Variants in ZNF91 observed in about 807,000 individuals in gnomAD.
ZNF91 encodes zinc finger protein 91 (HPF7, HTF10).
Under a neutral mutation model 12.6 loss-of-function variants are expected in ZNF91, and 7 were observed. The ratio of observed to expected loss-of-function variants is 0.55; its 90% confidence interval spans 0.31 to 1.04. The LOEUF is 1.04. Among genes scored for constraint, ZNF91 ranks in the 50% least tolerant of loss-of-function variants. The pLI is 0.05. For synonymous variants in ZNF91, 453 were observed against 462.6 expected (o/e 0.98, Z 0.27); for missense variants, 1,217 against 1,385.4 (o/e 0.88, Z 1.93).
chr19:23,373,697 T>A, intron 3 of ZNF91, 45 bp downstream of exon 3: 1 of 1,477,082 alleles, frequency 6.8e-7, no homozygotes, highest in Non-Finnish European at 9.4e-7. Context: ...CTTCTTGACT[T>A]TGGGCCTCTC....
At chr19:23,388,106 C>T (rs1180714057) in intron 1 of ZNF91, among the ~76,000 whole-genome samples, 1 of 150,456 alleles carries the variant, frequency 6.6e-6, no homozygotes, top group Admixed American at 6.6e-5. Flanking sequence ...ATTAGCAGGG[C>T]GTGGTGGCGC....
chr19:23,323,568 CTCT>C (rs1198661185), intron 1 of ZNF91, among the ~76,000 whole-genome samples: 1 of 147,348 alleles, frequency 6.8e-6, no homozygotes, highest in East Asian at 2.1e-4. Flanking sequence ...TTTCCTTTTC[CTCT>C]TCTCTTCCTC....
At chr19:23,339,184 A>G (rs1465767688) in intron 3 of ZNF91, 1 of 152,158 alleles carries the variant, frequency 6.6e-6, no homozygotes, top group Admixed American at 6.5e-5. Flanking sequence ...GGGGGAATAT[A>G]TTAACACAAA....
downstream of ZNF91, among the ~76,000 whole-genome samples, chr19:23,357,535 A>C (rs1968522314): frequency 1.3e-5 from 2 of 152,184 alleles, no homozygotes; most frequent in Admixed American, 6.5e-5. Context: ...CACACTCCAT[A>C]ATTTATTTAC....
chr19:23,368,271 GGAGGCTGAGATAGGTGGATCACAAGGT>G (rs1423555845), intron 3 of ZNF91, among the ~76,000 whole-genome samples: 15 of 152,038 alleles, frequency 9.9e-5, no homozygotes, highest in African/African-American at 3.6e-4. Context: ...CAGCACTTTG[GGAGGCTGAGATAGGTGGATCACAAGGT>G]GAGGAGTTCA....
At chr19:23,356,463 A>T (rs1035338486), downstream of ZNF91, among the ~76,000 whole-genome samples, 2 of 152,186 alleles carry the variant, frequency 1.3e-5, no homozygotes, top group Admixed American at 1.3e-4. Context: ...CCTGGATGAG[A>T]TTGGAGACTA....
chr19:23,324,698 C>T (rs557188351), intron 1 of ZNF91: 15 of 152,228 alleles, frequency 9.9e-5, no homozygotes, highest in African/African-American at 3.6e-4. Context: ...TCACCTCACC[C>T]TCCCGAGTAG....
intron 3 of ZNF91, among the ~76,000 whole-genome samples, chr19:23,363,823 T>A (rs1004591544): frequency 1.3e-5 from 2 of 152,004 alleles, no homozygotes; most frequent in African/African-American, 2.4e-5. Context: ...AACAAAAATA[T>A]TTAAGATTTC....
intron 3 of ZNF91, among the ~76,000 whole-genome samples, chr19:23,343,248 T>G (rs1968159505): frequency 6.6e-6 from 1 of 152,198 alleles, no homozygotes. Flanking sequence ...TTAACGTATA[T>G]ATCAATGAGC....
intron 3 of ZNF91, among the ~76,000 whole-genome samples, chr19:23,369,370 C>T (rs1480769771): frequency 2.6e-5 from 4 of 151,538 alleles, no homozygotes; most frequent in Non-Finnish European, 5.9e-5. Flanking sequence ...GGCCAGCCGC[C>T]CCGTCCGGGA....
intron 3 of ZNF91, among the ~76,000 whole-genome samples, chr19:23,346,660 A>G (rs1465072253): frequency 6.6e-6 from 1 of 152,098 alleles, no homozygotes; most frequent in Non-Finnish European, 1.5e-5. Flanking sequence ...AACCTAGTAT[A>G]AGGGACCCAC....
chr19:23,340,985 A>G (rs1168797928), intron 3 of ZNF91, among the ~76,000 whole-genome samples: 4 of 152,056 alleles, frequency 2.6e-5, no homozygotes, highest in Non-Finnish European at 1.5e-5. Flanking sequence ...ATCATTTTTC[A>G]ATAAAGACAT....
intron 1 of ZNF91, among the ~76,000 whole-genome samples, chr19:23,323,676 CCTCCTCT>C (rs929357621): frequency 3.7e-5 from 5 of 135,272 alleles, no homozygotes; most frequent in African/African-American, 1.5e-4. Context: ...CTTCTCTCCT[CCTCCTCT>C]ACTTCTCCTT....
At chr19:23,374,808 G>A in intron 1 of ZNF91, 44 bp from the exon 2 acceptor site, 1 of 1,593,740 alleles carries the variant, frequency 6.3e-7, no homozygotes, top group African/African-American at 1.3e-5. Flanking sequence ...AGTGGCTATG[G>A]GCAGAATTTT....
intron 3 of ZNF91, among the ~76,000 whole-genome samples, chr19:23,367,606 A>G (rs953915706): frequency 1.3e-5 from 2 of 152,202 alleles, no homozygotes; most frequent in African/African-American, 4.8e-5. Flanking sequence ...CCCATGGAAA[A>G]AAAACAAAGG....
chr19:23,313,518 A>G (rs1318519445), upstream of ZNF91, among the ~76,000 whole-genome samples: 1 of 152,106 alleles, frequency 6.6e-6, no homozygotes, highest in African/African-American at 2.4e-5. Flanking sequence ...TTCCTTGCTA[A>G]CAGAGAACAT....
chr19:23,345,010 AG>A (rs34436380), intron 3 of ZNF91, among the ~76,000 whole-genome samples: 2 of 152,232 alleles, frequency 1.3e-5, no homozygotes, highest in African/African-American at 4.8e-5. Flanking sequence ...CCCAGTTAAC[AG>A]GGAAAAATCC....
At chr19:23,389,158 T>TA (rs200649598) in intron 1 of ZNF91, among the ~76,000 whole-genome samples, 57 of 145,910 alleles carry the variant, frequency 3.9e-4, no homozygotes, top group East Asian at 3.2e-3. Context: ...AATAGAAGTT[T>TA]AAAAAAAAAA....
chr19:23,388,536 C>A (rs1424319645), intron 1 of ZNF91, among the ~76,000 whole-genome samples: 3 of 152,034 alleles, frequency 2.0e-5, no homozygotes, highest in African/African-American at 4.8e-5. Context: ...CAAGATTATG[C>A]CCTTTATAGC....
Sources: allele counts gnomAD v4.1 joint callset (sites outside exome capture counted in the v4.1 genomes callset), GRCh38; gene constraint gnomAD v4.1.1; transcripts MANE v1.5; gene names NCBI Gene and HGNC (gene_info 2026-07-23, HGNC 2026-07-21).